PHOSPHO2: variants seen among roughly 807,000 people sequenced by gnomAD.
PHOSPHO2 encodes the protein pyridoxal phosphate phosphatase PHOSPHO2.
PHOSPHO2 carries 14 observed loss-of-function variants against 16.4 expected under a neutral mutation model. The ratio of observed to expected loss-of-function variants is 0.85; its 90% CI spans 0.56 to 1.33. PHOSPHO2 has a LOEUF of 1.33. Among genes scored for constraint, PHOSPHO2 ranks in the 40% most tolerant of loss-of-function variants. The pLI is 0.00. For missense variants in PHOSPHO2, 246 were observed against 282.5 expected, an observed-to-expected ratio of 0.87 and a Z score of 0.93; for synonymous variants, 85 against 90.5, an observed-to-expected ratio of 0.94 and a Z score of 0.34.
rs1687426132 is a variant in PHOSPHO2, at chr2:169,694,475, G to A, written c.-378G>A. ...GAGGAACAAGGGAGGTGCTGCAGTTGGCGGTCGGGCTAGAGAAGAGAGGCG... is the reference window on the plus strand; with the variant it reads ...GAGGAACAAGGGAGGTGCTGCAGTTAGCGGTCGGGCTAGAGAAGAGAGGCG... On this transcript the variant is annotated 5_prime_UTR_variant, in exon 1 of 4. Transcript: ENST00000359744. The A allele has an allele frequency of 1.3e-6, 1 of 758,438 alleles. No individual in the cohort carries two copies. The highest frequency in any genetic ancestry group is 1.7e-5 in the African/African-American group (1 of 58,240). 47.0% of individuals were successfully genotyped at this position (758,438 alleles called of 1,614,324 possible).
rs1687561128 is a variant in PHOSPHO2, at chr2:169,696,940, C to T, written c.-197-421C>T. On this transcript the variant is annotated intron_variant, in intron 2 of 3. Transcript: ENST00000359744. ...CACCAAGTCGATACCAAGTGGAAAG[C>T]AAAACTTTGTTCTCCTATTGCCAAA... Among the ~76,000 whole-genome samples the T allele has an allele frequency of 1.3e-5, 2 of 151,514 alleles. 1 individual carries two copies. The highest frequency in any genetic ancestry group is 4.2e-4 in the South Asian group (2 of 4,812).
At position 169,701,466 on chromosome 2, in the gene PHOSPHO2, A is replaced by G. The variant is rs1687753141; in HGVS notation, c.495A>G (p.Leu165=). ...TGATAGAATTTGTAGATAAACAGTTACAACAGGGAGTGAATTATACACAAA... is the reference window on the plus strand; with the variant it reads ...TGATAGAATTTGTAGATAAACAGTTGCAACAGGGAGTGAATTATACACAAA... The part of the protein sequence containing the change: ...VVLIEFVDKQ[L]QQGVNYTQIV... The change falls in exon 4 of 4, where the codon TTA becomes TTG. Residue 165 remains leucine (L), a synonymous_variant. Transcript: ENST00000359744. 1.2e-6 allele frequency: 2 copies of G among 1,612,652 alleles called. No homozygotes were observed. Among genetic ancestry groups the G allele is most frequent in the African/African-American group, 1.3e-5 (1 of 75,006 alleles).
intron 3 of PHOSPHO2, among the ~76,000 whole-genome samples, 192 bp from the exon 4 acceptor site, chr2:169,700,754 C>T (rs1050986706): frequency 6.6e-6 from 1 of 151,856 alleles, no homozygotes; most frequent in Non-Finnish European, 1.5e-5. Context: ...ATTTTGTTTT[C>T]CACTTAAAAT....
At chr2:169,699,177 C>A (rs1270159536) in intron 3 of PHOSPHO2, among the ~76,000 whole-genome samples, 1 of 151,222 alleles carries the variant, frequency 6.6e-6, no homozygotes, top group East Asian at 1.9e-4. Flanking sequence ...CTCCTCCCAC[C>A]CCCACCCTCT....
Position 169,701,554 on chromosome 2 carries a change from G to A in PHOSPHO2, c.583G>A (p.Val195Ile). The A allele has an allele frequency of 1.9e-6, 3 of 1,613,248 alleles. No homozygotes were observed. Among genetic ancestry groups the A allele is most frequent in the Non-Finnish European group, 2.5e-6 (3 of 1,179,974 alleles). Residue 195 changes from valine to isoleucine, a missense_variant, in exon 4 of 4, where the codon GTT becomes ATT. By Grantham distance (29) the Val-to-Ile change is conservative. Coordinates refer to ENST00000359744, the MANE Select transcript of PHOSPHO2 (RefSeq NM_001008489.4). Reference protein sequence around the residue: ...CPVTFLKNDDVAMPRKGYTLQ... With the variant: ...CPVTFLKNDDIAMPRKGYTLQ... Reference sequence around the variant, plus strand: ...AGTCACCTTTTTAAAGAATGATGATGTTGCCATGCCACGGAAAGGATATAC... The same window carrying A: ...AGTCACCTTTTTAAAGAATGATGATATTGCCATGCCACGGAAAGGATATAC...
rs1387305103 is a variant in PHOSPHO2 at position 169,701,121 on chromosome 2, A to T, written c.150A>T (p.Arg50Ser). 1.2e-6 allele frequency: 2 copies of T among 1,614,000 alleles called. No individual in the cohort carries two copies. The change falls in exon 4 of 4, where the codon AGA becomes AGT. Residue 50 changes from arginine to serine, a missense_variant. By Grantham distance (110) the Arg-to-Ser change is moderately radical. Coordinates refer to ENST00000359744, the MANE Select transcript of PHOSPHO2 (RefSeq NM_001008489.4). The stretch of plus-strand genomic sequence containing the variant: ...GATTTTGGACAGAATTTATGGGCAG[A>T]GTCTTTAAGTATTTGGGAGATAAGG... ...RKGFWTEFMG[R>S]VFKYLGDKGV...
chr2:169,701,362 A>C lies in PHOSPHO2; in HGVS notation c.391A>C (p.Asn131His), dbSNP rs774264917. The C allele has an allele frequency of 6.2e-6, 10 of 1,613,666 alleles. No homozygotes were observed. The change falls in exon 4 of 4, where the codon AAT becomes CAT. Residue 131 changes from asparagine (N) to histidine (H), a missense_variant. Asn to His is a moderately conservative substitution (Grantham distance 68). Coordinates refer to ENST00000359744, the MANE Select transcript of PHOSPHO2 (RefSeq NM_001008489.4). ...VFTNPAAFNS[N>H]GHLTVENYHT... ...TACAAATCCAGCAGCTTTTAATAGC[A>C]ATGGTCATCTCACTGTTGAAAATTA...
At chr2:169,695,596 C>T (rs1207345137) in intron 2 of PHOSPHO2, among the ~76,000 whole-genome samples, 1 of 151,614 alleles carries the variant, frequency 6.6e-6, no homozygotes, top group African/African-American at 2.4e-5. Context: ...GACCATCGTG[C>T]CACTGCACTC....
At position 169,701,494 on chromosome 2, in the gene PHOSPHO2, G is replaced by C. The variant is rs748854374; in HGVS notation, c.523G>C (p.Val175Leu). 1.2e-6 allele frequency: 2 copies of C among 1,612,720 alleles called. No individual in the cohort carries two copies. The highest frequency in any genetic ancestry group is 2.2e-5 in the East Asian group (1 of 44,838). The change falls in exon 4 of 4, where the codon GTT (valine) becomes CTT (leucine). Residue 175 changes from valine (V) to leucine (L), a missense_variant. Coordinates refer to ENST00000359744, the MANE Select transcript of PHOSPHO2 (RefSeq NM_001008489.4). ...ACAGGGAGTGAATTATACACAAATT[G>C]TTTATATTGGTGATGGTGGAAATGA... ...LQQGVNYTQI[V>L]YIGDGGNDVC...
chr2:169,699,821 A>G (rs1387348467), intron 3 of PHOSPHO2, among the ~76,000 whole-genome samples: 3 of 151,740 alleles, frequency 2.0e-5, no homozygotes, highest in African/African-American at 7.3e-5. Context: ...GGGCACATGT[A>G]TTGTCTTCTT....
At chr2:169,697,783 A>G (rs1001816246) in intron 3 of PHOSPHO2, 1 of 152,120 alleles carries the variant, frequency 6.6e-6, no homozygotes, top group South Asian at 2.1e-4. Flanking sequence ...CTCAAAAAGC[A>G]TATTTAATTT....
Position 169,694,605 on chromosome 2 carries a change from T to C in PHOSPHO2, c.-248T>C. On this transcript the variant is annotated 5_prime_UTR_variant, in exon 1 of 4. Coordinates refer to ENST00000359744, the MANE Select transcript of PHOSPHO2 (RefSeq NM_001008489.4). ...GGAGCGTCACGGGCGCCGGGGCGGCTGCCGACGGCGGGACTGGGTCAGTGA... is the reference window on the plus strand; with the variant it reads ...GGAGCGTCACGGGCGCCGGGGCGGCCGCCGACGGCGGGACTGGGTCAGTGA... The C allele has an allele frequency of 1.8e-6, 1 of 543,056 alleles. No individual in the cohort carries two copies. Among genetic ancestry groups the C allele is most frequent in the South Asian group, 2.0e-5 (1 of 49,082 alleles). The allele number at this position is 543,056 out of a possible 1,614,324, so 33.6% of individuals were successfully genotyped here.
intron 3 of PHOSPHO2, chr2:169,698,342 G>C: frequency 6.6e-6 from 1 of 152,212 alleles, no homozygotes; most frequent in South Asian, 2.1e-4. Context: ...CTAATGAGTA[G>C]TCATTAAATA....
rs142081884 is a variant in PHOSPHO2 at position 169,701,534 on chromosome 2, C to T, written c.563C>T (p.Thr188Ile). ...GDGGNDVCPVTFLKNDDVAMP... is the reference protein window; with the variant it reads ...GDGGNDVCPVIFLKNDDVAMP... ...GGTGGAAATGATGTCTGTCCAGTCA[C>T]CTTTTTAAAGAATGATGATGTTGCC... The change falls in exon 4 of 4, where the codon ACC becomes ATC. Residue 188 changes from threonine (T) to isoleucine (I), a missense_variant. Physicochemically the swap from Thr to Ile is moderately conservative, Grantham distance 89. Coordinates refer to ENST00000359744, the MANE Select transcript of PHOSPHO2 (RefSeq NM_001008489.4). The T allele has an allele frequency of 5.0e-6, 8 of 1,613,522 alleles. No homozygotes were observed. In the East Asian group the frequency reaches 1.8e-4, roughly 36 times the overall value.
intron 3 of PHOSPHO2, among the ~76,000 whole-genome samples, chr2:169,700,485 T>C (rs1687713950): frequency 6.6e-6 from 1 of 152,028 alleles, no homozygotes; most frequent in Non-Finnish European, 1.5e-5. Context: ...CTAAATACCT[T>C]TTCTTAAAAA....
intron 3 of PHOSPHO2, 140 bp from the exon 4 acceptor site, chr2:169,700,806 T>C: frequency 1.4e-6 from 1 of 710,090 alleles, no homozygotes; most frequent in Non-Finnish European, 2.1e-6. Context: ...AGTGGTTAGG[T>C]AGTGGTCTTG....
chr2:169,697,619 A>G (rs1037173927), intron 3 of PHOSPHO2, 88 bp downstream of exon 3: 3 of 152,236 alleles, frequency 2.0e-5, no homozygotes, highest in Admixed American at 2.0e-4. Flanking sequence ...CTTTCAGATC[A>G]GCAGGGGAAC....
At position 169,701,504 on chromosome 2, in the gene PHOSPHO2, G is replaced by T; in HGVS notation, c.533G>T (p.Gly178Val). 1 of 1,613,212 alleles carries T rather than the reference G, an allele frequency of 6.2e-7. No homozygotes were observed. Among genetic ancestry groups the T allele is most frequent in the Non-Finnish European group, 8.5e-7 (1 of 1,179,840 alleles). ...GVNYTQIVYI[G>V]DGGNDVCPVT... ...AATTATACACAAATTGTTTATATTG[G>T]TGATGGTGGAAATGATGTCTGTCCA... The change falls in exon 4 of 4, where the codon GGT becomes GTT. Residue 178 changes from glycine (G) to valine (V), a missense_variant. Coordinates refer to ENST00000359744, the MANE Select transcript of PHOSPHO2 (RefSeq NM_001008489.4).
intron 3 of PHOSPHO2, 90 bp downstream of exon 3, chr2:169,697,621 C>G (rs772927499): frequency 4.6e-5 from 7 of 152,112 alleles, no homozygotes; most frequent in Non-Finnish European, 8.8e-5. Flanking sequence ...TTCAGATCAG[C>G]AGGGGAACTA....
Sources: gnomAD v4.1 joint callset for allele counts (sites outside exome capture counted in the v4.1 genomes callset) on GRCh38, gnomAD v4.1.1 for gene constraint, MANE v1.5 for transcripts, NCBI Gene and HGNC (gene_info 2026-07-23, HGNC 2026-07-21) for gene names.